SLC25A26: variants seen among roughly 807,000 people sequenced by gnomAD.
SLC25A26 encodes the protein solute carrier family 25 member 26, also known as mitochondrial S-adenosylmethionine carrier protein.
A neutral mutation model predicts 37.8 loss-of-function variants in SLC25A26; 36 were observed. The ratio of observed to expected loss-of-function variants is 0.95; its 90% CI spans 0.73 to 1.26. The LOEUF (loss-of-function observed/expected upper bound fraction) is 1.26. Ranked by LOEUF, SLC25A26 falls within the 50% of genes most tolerant of loss-of-function variation. The pLI is 0.00. For missense variants in SLC25A26, 390 were observed against 331.1 expected, an observed-to-expected ratio of 1.18 and a Z score of -1.38; for synonymous variants, 129 against 122.5, an observed-to-expected ratio of 1.05 and a Z score of -0.35.
intron 5 of SLC25A26, among the ~76,000 whole-genome samples, chr3:66,332,932 C>T (rs1402877581): frequency 6.6e-6 from 1 of 152,078 alleles, no homozygotes; most frequent in African/African-American, 2.4e-5. Context: ...TTCTGAGTAT[C>T]CATACATACA....
chr3:66,198,938 G>A (rs1440203451), intron 1 of SLC25A26, among the ~76,000 whole-genome samples: 1 of 151,706 alleles, frequency 6.6e-6, no homozygotes, highest in African/African-American at 2.4e-5. Flanking sequence ...CCCTGATCTT[G>A]ACCTTGACCT....
chr3:66,134,147 A>G (rs2069911816), intron 1 of SLC25A26, among the ~76,000 whole-genome samples: 1 of 152,224 alleles, frequency 6.6e-6, no homozygotes, highest in Admixed American at 6.5e-5. Flanking sequence ...AGGGATAACT[A>G]GTTTGACTTG....
intron 5 of SLC25A26, among the ~76,000 whole-genome samples, chr3:66,279,884 G>A (rs1202037738): frequency 2.0e-5 from 3 of 152,118 alleles, no homozygotes; most frequent in Non-Finnish European, 2.9e-5. Context: ...AGAATGGAAT[G>A]ATGACTAAGT....
chr3:66,240,245 A>AT (rs1357632196), intron 2 of SLC25A26, among the ~76,000 whole-genome samples: 1 of 152,232 alleles, frequency 6.6e-6, no homozygotes, highest in Non-Finnish European at 1.5e-5. Flanking sequence ...CTACAGTAGT[A>AT]TAGTATGTGC....
intron 1 of SLC25A26, among the ~76,000 whole-genome samples, chr3:66,137,075 A>T (rs2069957071): frequency 6.6e-6 from 1 of 152,170 alleles, no homozygotes; most frequent in Non-Finnish European, 1.5e-5. Flanking sequence ...AGATAAAGGA[A>T]ATCATTAATT....
intron 1 of SLC25A26, among the ~76,000 whole-genome samples, chr3:66,167,435 G>C (rs533132056): frequency 3.9e-5 from 6 of 152,232 alleles, no homozygotes; most frequent in Admixed American, 6.5e-5. Context: ...TAGTAAGAGA[G>C]GTAGTTTGGC....
At chr3:66,273,942 G>C (rs2074042463) in intron 5 of SLC25A26, among the ~76,000 whole-genome samples, 1 of 152,124 alleles carries the variant, frequency 6.6e-6, no homozygotes, top group South Asian at 2.1e-4. Flanking sequence ...GCATCGCCAA[G>C]TCAGTCCTAA....
At chr3:66,342,268 T>G (rs995842765) in intron 5 of SLC25A26, among the ~76,000 whole-genome samples, 1 of 152,188 alleles carries the variant, frequency 6.6e-6, no homozygotes, top group Admixed American at 6.5e-5. Flanking sequence ...AACGTATTGC[T>G]AGAGAGTTCT....
chr3:66,154,799 A>T (rs2070259296), intron 1 of SLC25A26, among the ~76,000 whole-genome samples: 2 of 152,164 alleles, frequency 1.3e-5, no homozygotes, highest in African/African-American at 2.4e-5. Context: ...TTTACTTTGG[A>T]TAAGTCACTT....
rs1700794692 is a variant in SLC25A26 at position 66,378,217 on chromosome 3, T to C, written c.*410T>C. On this transcript the variant is annotated 3_prime_UTR_variant, in exon 10 of 10. Coordinates refer to ENST00000354883, the MANE Select transcript of SLC25A26 (RefSeq NM_001379210.1). Reference sequence around the variant, plus strand: ...GTTTGTTTGTTTGGGAAAAGGAGACTTGGGGAAGAGTTGTGTATGTGGGTG... The same window carrying C: ...GTTTGTTTGTTTGGGAAAAGGAGACCTGGGGAAGAGTTGTGTATGTGGGTG... The C allele has an allele frequency of 6.4e-6, 1 of 156,266 alleles. No homozygotes were observed. The allele number at this position is 156,266 out of a possible 1,614,324, so 9.7% of individuals were successfully genotyped here. A position where few individuals can be genotyped will look rare whatever the true frequency, so the allele number is the denominator to read the frequency against.
At chr3:66,175,132 TATATATATACACAC>T (rs773612212) in intron 1 of SLC25A26, among the ~76,000 whole-genome samples, 11,923 of 123,126 alleles carry the variant, frequency 0.097, 681 homozygotes, top group Middle Eastern at 0.18. Context: ...TATATATATA[TATATATATACACAC>T]ACACACACAC....
chr3:66,274,676 A>G (rs925888473), intron 5 of SLC25A26, among the ~76,000 whole-genome samples: 1 of 152,256 alleles, frequency 6.6e-6, no homozygotes, highest in African/African-American at 2.4e-5. Context: ...GCCATCAGAT[A>G]AATGCAAATC....
intron 1 of SLC25A26, among the ~76,000 whole-genome samples, chr3:66,153,147 C>A (rs561002933): frequency 6.6e-6 from 1 of 151,994 alleles, no homozygotes; most frequent in Middle Eastern, 3.2e-3. Flanking sequence ...TTGGTCGTCA[C>A]GACCAAAAAT....
At chr3:66,346,708 C>CTGTG (rs1192240063) in intron 6 of SLC25A26, among the ~76,000 whole-genome samples, 1 of 116,776 alleles carries the variant, frequency 8.6e-6, no homozygotes, top group African/African-American at 3.3e-5. Context: ...TTTCATTTTG[C>CTGTG]TGTGTGCGTG....
intron 2 of SLC25A26, among the ~76,000 whole-genome samples, chr3:66,242,756 G>T (rs117292349): frequency 6.6e-6 from 1 of 152,238 alleles, no homozygotes; most frequent in African/African-American, 2.4e-5. Context: ...ATTATTTTGA[G>T]TAACCAGTAA....
At chr3:66,292,792 A>C (rs2074759090) in intron 5 of SLC25A26, among the ~76,000 whole-genome samples, 1 of 152,028 alleles carries the variant, frequency 6.6e-6, no homozygotes, top group South Asian at 2.1e-4. Context: ...GGAGTATCTT[A>C]GTGGTGTTCT....
chr3:66,172,366 G>T (rs2070511735), intron 1 of SLC25A26, among the ~76,000 whole-genome samples: 1 of 127,600 alleles, frequency 7.8e-6, no homozygotes, highest in South Asian at 2.6e-4. Flanking sequence ...AGCCATGTTT[G>T]CACCATTGTA....
At chr3:66,180,272 C>T (rs895590463) in intron 1 of SLC25A26, among the ~76,000 whole-genome samples, 1 of 152,220 alleles carries the variant, frequency 6.6e-6, no homozygotes, top group African/African-American at 2.4e-5. Flanking sequence ...AAAGAACCCA[C>T]ACTTTTGCAT....
At chr3:66,364,460 G>T (rs531410180) in intron 7 of SLC25A26, among the ~76,000 whole-genome samples, 2 of 152,238 alleles carry the variant, frequency 1.3e-5, no homozygotes, top group South Asian at 4.1e-4. Flanking sequence ...AGGTGCCCAC[G>T]GCTACACATC....
Sources: allele counts gnomAD v4.1 joint callset (sites outside exome capture counted in the v4.1 genomes callset), GRCh38; gene constraint gnomAD v4.1.1; transcripts MANE v1.5; gene names NCBI Gene and HGNC (gene_info 2026-07-23, HGNC 2026-07-21).